ART3: variants seen among roughly 807,000 people sequenced by gnomAD.
ART3 encodes ecto-ADP-ribosyltransferase 3.
ART3 carries 49 observed loss-of-function variants against 48.5 expected under a neutral mutation model. The ratio of observed to expected loss-of-function variants is 1.01; its 90% CI spans 0.80 to 1.28. The LOEUF (loss-of-function observed/expected upper bound fraction) is 1.28. Ranked by LOEUF, ART3 falls within the 50% of genes most tolerant of loss-of-function variation. The pLI is 0.00. For synonymous variants in ART3, 145 were observed against 157.2 expected (o/e 0.92, Z 0.58); for missense variants, 438 against 454.3 (o/e 0.96, Z 0.33).
chr4:76,111,100 T>C (rs1729388779), intron 11 of ART3, among the ~76,000 whole-genome samples: 2 of 152,210 alleles, frequency 1.3e-5, no homozygotes, highest in African/African-American at 2.4e-5. Context: ...GGCCACCTCC[T>C]GTTGCTATTG....
intron 1 of ART3, among the ~76,000 whole-genome samples, chr4:76,055,409 G>A (rs554966593): frequency 9.2e-5 from 14 of 152,188 alleles, no homozygotes; most frequent in Admixed American, 3.9e-4. Flanking sequence ...ACTGTAAAAA[G>A]GACATTAGTG....
rs138472983 is a variant in ART3, at chr4:76,082,123, C to T, written c.369C>T (p.Gly123=). The change falls in exon 3 of 12, where the codon GGC becomes GGT. Residue 123 remains glycine (G), a synonymous_variant. Transcript: ENST00000355810. ...HLFSEAVKMA[G]QSREDYIYGF... ...TCAGTGAAGCTGTGAAGATGGCTGG[C>T]CAATCTCGAGAAGATTATATCTATG... The T allele has an allele frequency of 4.8e-5, 78 of 1,614,194 alleles. No homozygotes were observed. In the African/African-American group the frequency reaches 8.5e-4, roughly 18 times the overall value.
At chr4:76,064,520 T>A (rs1051609342) in intron 1 of ART3, among the ~76,000 whole-genome samples, 1 of 152,220 alleles carries the variant, frequency 6.6e-6, no homozygotes, top group Admixed American at 6.5e-5. Context: ...AATATATAGC[T>A]GGTTGCAATA....
chr4:76,083,139 A>T (rs1044226396), intron 3 of ART3, among the ~76,000 whole-genome samples: 14 of 152,186 alleles, frequency 9.2e-5, no homozygotes, highest in African/African-American at 3.4e-4. Context: ...TCCAGGCTGT[A>T]GTGAGCTGTA....
Position 76,100,852 on chromosome 4 carries a change from G to A in ART3, c.907+28G>A, listed in dbSNP as rs192368098. On this transcript the variant is annotated intron_variant, in intron 7 of 11. Coordinates refer to ENST00000355810, the MANE Select transcript of ART3 (RefSeq NM_001130016.3). Reference sequence around the variant, plus strand: ...AAGACATTTTTTATAAATTCTGGGGGCTTACATTTTACAAGATACCTCCCT... The same window carrying A: ...AAGACATTTTTTATAAATTCTGGGGACTTACATTTTACAAGATACCTCCCT... 116 of 1,609,270 alleles carry A rather than the reference G, an allele frequency of 7.2e-5. No homozygotes were observed. In the African/African-American group the frequency reaches 1.4e-3, roughly 20 times the overall value.
upstream of ART3, among the ~76,000 whole-genome samples, chr4:76,074,550 C>T (rs61545284): frequency 0.051 from 7,811 of 152,232 alleles, 239 homozygotes; most frequent in South Asian, 0.14. Context: ...ATTGCTATGG[C>T]TTTACAAGCC....
chr4:76,036,205 GTTA>G, intron 1 of ART3: 3 of 508,008 alleles, frequency 5.9e-6, no homozygotes, highest in South Asian at 6.4e-5. Context: ...TCTTCTAAAT[GTTA>G]CTGTCCCTTC....
At chr4:76,064,679 AAGG>A (rs911370403) in intron 1 of ART3, among the ~76,000 whole-genome samples, 1 of 152,222 alleles carries the variant, frequency 6.6e-6, no homozygotes, top group Non-Finnish European at 1.5e-5. Flanking sequence ...GAAAGGCAGA[AAGG>A]AGGTGAAGGG....
chr4:76,039,452 G>A (rs569699327), intron 1 of ART3, among the ~76,000 whole-genome samples: 1 of 151,978 alleles, frequency 6.6e-6, no homozygotes, highest in Non-Finnish European at 1.5e-5. Flanking sequence ...TCCTGAATTG[G>A]CATACCACAT....
At chr4:76,034,258 C>T (rs1029047064) in intron 1 of ART3, 4 of 394,358 alleles carry the variant, frequency 1.0e-5, no homozygotes, top group Non-Finnish European at 1.8e-5. Context: ...GAATGTTTTA[C>T]GACACATAGA....
At chr4:76,073,984 A>G (rs553503918), upstream of ART3, among the ~76,000 whole-genome samples, 1 of 152,304 alleles carries the variant, frequency 6.6e-6, no homozygotes, top group East Asian at 1.9e-4. Context: ...TAGTGCTACT[A>G]TCAACATTCT....
rs988561279 is a variant in ART3 at position 76,097,549 on chromosome 4, G to T, written c.782-95G>T. ...TAATTATGAGTCTGATAAACCAGGA[G>T]CTGACAGATTAGGTTACCAACAGCC... On this transcript the variant is annotated intron_variant, in intron 3 of 11. Coordinates refer to ENST00000355810, the MANE Select transcript of ART3 (RefSeq NM_001130016.3). 3.8e-6 allele frequency: 4 copies of T among 1,048,904 alleles called. No individual in the cohort carries two copies. The African/African-American group carries it at 6.3e-5, about 17-fold the overall frequency. 65.0% of individuals were successfully genotyped at this position (1,048,904 alleles called of 1,614,324 possible).
chr4:76,041,617 A>G (rs1734980120), intron 1 of ART3, among the ~76,000 whole-genome samples: 1 of 91,344 alleles, frequency 1.1e-5, no homozygotes, highest in South Asian at 3.1e-4. Context: ...GCATGAAAAT[A>G]TATTATTTCA....
intron 6 of ART3, 148 bp from the exon 7 acceptor site, chr4:76,100,647 A>AT: frequency 4.2e-6 from 4 of 958,354 alleles, no homozygotes; most frequent in Non-Finnish European, 4.7e-6. Context: ...AAAAAAAAAA[A>AT]ATTCTGGGGG....
At chr4:76,070,146 C>T (rs545413806), upstream of ART3, among the ~76,000 whole-genome samples, 52 of 150,778 alleles carry the variant, frequency 3.4e-4, 1 homozygote, top group Non-Finnish European at 6.9e-4. Flanking sequence ...TGTGAACATA[C>T]ACTTTAATAA....
At chr4:76,038,102 A>G (rs753775423) in intron 1 of ART3, among the ~76,000 whole-genome samples, 18 of 152,198 alleles carry the variant, frequency 1.2e-4, no homozygotes, top group Non-Finnish European at 1.6e-4. Context: ...GAGTAGCATG[A>G]TGAAATCTCA....
At chr4:76,064,768 A>T (rs79491208) in intron 1 of ART3, among the ~76,000 whole-genome samples, 1,785 of 152,310 alleles carry the variant, frequency 0.012, 32 homozygotes, top group African/African-American at 0.04. Context: ...ATGCTTTAAA[A>T]TATACTAACA....
At chr4:76,105,017 G>A (rs974124375) in intron 10 of ART3, among the ~76,000 whole-genome samples, 5 of 152,160 alleles carry the variant, frequency 3.3e-5, no homozygotes, top group African/African-American at 7.2e-5. Context: ...AAGAAACAGC[G>A]TTTTCCATTA....
At chr4:76,103,848 T>G in intron 8 of ART3, 89 bp from the exon 9 acceptor site, 2 of 1,167,520 alleles carry the variant, frequency 1.7e-6, no homozygotes, top group Non-Finnish European at 2.4e-6. Context: ...TTTTTGAAAG[T>G]TGGAAATGGA....
Sources: allele counts gnomAD v4.1 joint callset (sites outside exome capture counted in the v4.1 genomes callset), GRCh38; gene constraint gnomAD v4.1.1; transcripts MANE v1.5; gene names NCBI Gene and HGNC (gene_info 2026-07-23, HGNC 2026-07-21).